THADA: variants seen among roughly 807,000 people sequenced by gnomAD.
THADA encodes the protein THADA armadillo repeat containing.
Under a neutral mutation model 219.8 loss-of-function variants are expected in THADA, and 213 were observed. The ratio of observed to expected loss-of-function variants is 0.97; its 90% CI spans 0.87 to 1.09. THADA has a LOEUF of 1.09. THADA is among the 50% of genes least tolerant of loss of function. The pLI is 0.00. For missense variants in THADA, 2,956 were observed against 2,311.3 expected (o/e 1.28, Z -5.72); for synonymous variants, 1,018 against 828.9 (o/e 1.23, Z -3.92).
intron 31 of THADA, among the ~76,000 whole-genome samples, chr2:43,308,112 T>C (rs1484225081): frequency 6.6e-6 from 1 of 152,100 alleles, no homozygotes; most frequent in East Asian, 1.9e-4. Context: ...TTCCAGCACT[T>C]TGGGAGGCCA....
intron 20 of THADA, among the ~76,000 whole-genome samples, chr2:43,544,450 A>G (rs909069500): frequency 7.2e-5 from 11 of 152,152 alleles, no homozygotes; most frequent in Non-Finnish European, 1.3e-4. Flanking sequence ...CATTGAATCT[A>G]TAAATTACCT....
chr2:43,394,550 A>G (rs1431359206), intron 29 of THADA, among the ~76,000 whole-genome samples: 1 of 152,202 alleles, frequency 6.6e-6, no homozygotes, highest in Non-Finnish European at 1.5e-5. Flanking sequence ...CATTCCTTTC[A>G]ATCCCTAACA....
intron 17 of THADA, among the ~76,000 whole-genome samples, chr2:43,554,254 G>A (rs1271664085): frequency 2.0e-5 from 3 of 152,074 alleles, no homozygotes; most frequent in Non-Finnish European, 4.4e-5. Flanking sequence ...TTATATTTAA[G>A]TCTTTTATTT....
chr2:43,578,293 C>T (rs1700066376), intron 9 of THADA, among the ~76,000 whole-genome samples: 1 of 151,270 alleles, frequency 6.6e-6, no homozygotes, highest in Non-Finnish European at 1.5e-5. Context: ...CAGCTGTGCA[C>T]CACCATACCC....
intron 4 of THADA, among the ~76,000 whole-genome samples, chr2:43,588,575 G>A (rs892391563): frequency 2.6e-5 from 4 of 152,072 alleles, no homozygotes; most frequent in African/African-American, 9.7e-5. Flanking sequence ...AATAAAAAAA[G>A]TCAAATTCCA....
At chr2:43,525,715 G>A (rs1225861738) in intron 22 of THADA, among the ~76,000 whole-genome samples, 2 of 152,212 alleles carry the variant, frequency 1.3e-5, no homozygotes, top group East Asian at 3.8e-4. Context: ...TCACCCAGCT[G>A]AGCCCTGCCC....
intron 36 of THADA, among the ~76,000 whole-genome samples, chr2:43,247,621 C>T (rs1014891864): frequency 2.0e-5 from 3 of 147,652 alleles, no homozygotes; most frequent in Admixed American, 6.9e-5. Flanking sequence ...CACAGCTACT[C>T]GGGAGGCTGA....
chr2:43,235,687 C>A (rs1667955931), intron 36 of THADA, among the ~76,000 whole-genome samples: 1 of 152,180 alleles, frequency 6.6e-6, no homozygotes, highest in South Asian at 2.1e-4. Context: ...TCAGTATCTG[C>A]AGCTCAAGTG....
chr2:43,588,766 T>G (rs757763203), intron 4 of THADA, among the ~76,000 whole-genome samples: 9 of 152,134 alleles, frequency 5.9e-5, no homozygotes, highest in Non-Finnish European at 1.2e-4. Context: ...TTTAACAATA[T>G]CTACCAAGAA....
intron 26 of THADA, among the ~76,000 whole-genome samples, chr2:43,472,156 C>T (rs566693453): frequency 6.6e-6 from 1 of 152,324 alleles, no homozygotes; most frequent in African/African-American, 2.4e-5. Flanking sequence ...ATTTGATCTT[C>T]ATGGGACAGC....
At chr2:43,337,302 T>C (rs1192587727) in intron 30 of THADA, among the ~76,000 whole-genome samples, 1 of 152,192 alleles carries the variant, frequency 6.6e-6, no homozygotes, top group African/African-American at 2.4e-5. Context: ...CTGTACCCGT[T>C]TGACTTATCT....
intron 34 of THADA, among the ~76,000 whole-genome samples, chr2:43,289,226 A>G (rs943468255): frequency 2.0e-5 from 3 of 152,248 alleles, no homozygotes; most frequent in Non-Finnish European, 4.4e-5. Context: ...GTTGATAAAC[A>G]TCTGGATTGT....
chr2:43,260,948 G>A (rs1242401057), intron 36 of THADA, among the ~76,000 whole-genome samples: 1 of 152,034 alleles, frequency 6.6e-6, no homozygotes, highest in Non-Finnish European at 1.5e-5. Context: ...TTTACATTCT[G>A]AGAAAGGAAA....
chr2:43,585,570 AGATAGAT>A (rs1339011387), intron 7 of THADA, among the ~76,000 whole-genome samples: 2,464 of 148,702 alleles, frequency 0.017, 73 homozygotes, highest in African/African-American at 0.061. Context: ...ATAGATAGAT[AGATAGAT>A]AGAAAGAAAT....
chr2:43,317,404 C>T (rs145385115), intron 31 of THADA, among the ~76,000 whole-genome samples: 1,020 of 152,260 alleles, frequency 6.7e-3, no homozygotes, highest in Middle Eastern at 0.01. Context: ...TGTGCTTAGA[C>T]GACAAAGAAT....
intron 29 of THADA, among the ~76,000 whole-genome samples, chr2:43,352,558 A>T (rs540464444): frequency 7.0e-4 from 107 of 152,164 alleles, no homozygotes; most frequent in East Asian, 2.5e-3. Flanking sequence ...ACTAAAAAAA[A>T]AATAATAATA....
chr2:43,394,918 C>T (rs1382777388), intron 29 of THADA, among the ~76,000 whole-genome samples: 1 of 152,178 alleles, frequency 6.6e-6, no homozygotes, highest in Non-Finnish European at 1.5e-5. Context: ...GAGCAACAGC[C>T]ACAACAACCC....
Position 43,411,579 on chromosome 2 carries a change from T to C in THADA, c.4059-13440A>G, listed in dbSNP as rs545961173. Reference sequence around the variant, plus strand: ...CCATCATGAAAAGGTAATTGTCAACTCATACTAGTTTTAGTCACCCTAAAT... The same window carrying C: ...CCATCATGAAAAGGTAATTGTCAACCCATACTAGTTTTAGTCACCCTAAAT... On this transcript the variant is annotated intron_variant, in intron 28 of 37. Transcript: ENST00000405975. Among the ~76,000 whole-genome samples, 166 of 152,306 alleles carry C rather than the reference T, an allele frequency of 1.1e-3. 1 individual carries two copies. Among genetic ancestry groups the C allele is most frequent in the African/African-American group, 3.9e-3 (163 of 41,570 alleles).
At chr2:43,256,371 G>C (rs988120523) in intron 36 of THADA, among the ~76,000 whole-genome samples, 1 of 151,250 alleles carries the variant, frequency 6.6e-6, no homozygotes, top group Non-Finnish European at 1.5e-5. Context: ...TTTTAAACCA[G>C]TTAGCATTTG....
Sources: gnomAD v4.1 joint callset for allele counts (sites outside exome capture counted in the v4.1 genomes callset) on GRCh38, gnomAD v4.1.1 for gene constraint, MANE v1.5 for transcripts, NCBI Gene and HGNC (gene_info 2026-07-23, HGNC 2026-07-21) for gene names.